NUDT6: variants seen among roughly 807,000 people sequenced by gnomAD.
NUDT6 encodes FAD diphosphatase NUDT6.
Under a neutral mutation model 36.8 loss-of-function variants are expected in NUDT6, and 24 were observed. The ratio of observed to expected loss-of-function variants is 0.65; its 90% CI spans 0.47 to 0.92. NUDT6 has a LOEUF of 0.92. Ranked by LOEUF, NUDT6 falls within the 40% of genes least tolerant of loss-of-function variation. NUDT6 has a pLI of 0.00. For missense variants in NUDT6, 388 were observed against 392.8 expected, an observed-to-expected ratio of 0.99 and a Z score of 0.10; for synonymous variants, 163 against 157.0, an observed-to-expected ratio of 1.04 and a Z score of -0.29.
chr4:122,909,693 G>C (rs72919849), intron 3 of NUDT6, among the ~76,000 whole-genome samples: 2,452 of 152,168 alleles, frequency 0.016, 71 homozygotes, highest in African/African-American at 0.057. Flanking sequence ...GGTTCTAAGA[G>C]CCACCAAATA....
chr4:122,912,369 G>A (rs1727748397), intron 3 of NUDT6, among the ~76,000 whole-genome samples, 199 bp downstream of exon 3: 2 of 152,100 alleles, frequency 1.3e-5, no homozygotes, highest in Admixed American at 6.6e-5. Context: ...TAGTAACACT[G>A]AGTGTTACCT....
intron 2 of NUDT6, among the ~76,000 whole-genome samples, chr4:122,914,238 C>T (rs1727787274): frequency 6.6e-6 from 1 of 152,106 alleles, no homozygotes; most frequent in African/African-American, 2.4e-5. Flanking sequence ...GAAATGAAAA[C>T]ACCACACTTG....
intron 4 of NUDT6, chr4:122,893,670 G>A (rs1247111755): frequency 6.5e-6 from 1 of 152,922 alleles, no homozygotes; most frequent in East Asian, 1.9e-4. Context: ...AAGAAACTTG[G>A]AATATAAATA....
intron 4 of NUDT6, chr4:122,893,844 T>C (rs1019496601): frequency 2.6e-5 from 4 of 152,222 alleles, no homozygotes; most frequent in African/African-American, 9.6e-5. Flanking sequence ...TTTTGTGATG[T>C]TCTGTCATTG....
chr4:122,904,346 G>C (rs1727578221), intron 3 of NUDT6, among the ~76,000 whole-genome samples: 1 of 152,136 alleles, frequency 6.6e-6, no homozygotes, highest in Non-Finnish European at 1.5e-5. Flanking sequence ...TCCTTATAGA[G>C]TACTCTTAAA....
At chr4:122,899,973 G>A (rs369310457) in intron 3 of NUDT6, among the ~76,000 whole-genome samples, 1 of 151,918 alleles carries the variant, frequency 6.6e-6, no homozygotes, top group Non-Finnish European at 1.5e-5. Flanking sequence ...CCAGTGCTGC[G>A]GGCATTTACT....
chr4:122,915,491 A>AACAAAC lies in NUDT6; in HGVS notation c.442+2009_442+2010insGTTTGT, dbSNP rs1560773970. Among the ~76,000 whole-genome samples, 889 of 137,670 alleles carry AACAAAC rather than the reference A, an allele frequency of 6.5e-3. 22 individuals are homozygous for AACAAAC. Among genetic ancestry groups the AACAAAC allele is most frequent in the South Asian group, 0.025 (105 of 4,148 alleles). 90.3% of individuals were successfully genotyped at this position (137,670 alleles called of 152,430 possible). A position where few individuals can be genotyped will look rare whatever the true frequency, so the allele number is the denominator to read the frequency against. ...CCTCAAAAAAAAAAAAAAAAAAAAAAAAAAAAACAACTCTGCACCTTTCCA... is the reference window on the plus strand; with the variant it reads ...CCTCAAAAAAAAAAAAAAAAAAAAAAACAAACAAAAAAACAACTCTGCACCTTTCCA... On this transcript the variant is annotated intron_variant, in intron 2 of 4. Coordinates refer to ENST00000304430, the MANE Select transcript of NUDT6 (RefSeq NM_007083.5).
At chr4:122,912,419 A>G (rs58631752) in intron 3 of NUDT6, 149 bp downstream of exon 3, 8 of 624,648 alleles carry the variant, frequency 1.3e-5, no homozygotes, top group Non-Finnish European at 2.0e-5. Flanking sequence ...TGGTTTAAAT[A>G]AATATCTAAG....
chr4:122,916,151 G>A (rs951617706), intron 2 of NUDT6, among the ~76,000 whole-genome samples: 10 of 152,110 alleles, frequency 6.6e-5, no homozygotes, highest in Admixed American at 6.6e-4. Context: ...GAAACAGCCA[G>A]GAAGATCACC....
At chr4:122,920,670 A>C (rs1405596981) in intron 1 of NUDT6, 1 of 152,218 alleles carries the variant, frequency 6.6e-6, no homozygotes, top group Non-Finnish European at 1.5e-5. Context: ...TGTCATGCTG[A>C]CTGGGGTAGT....
chr4:122,896,759 A>G (rs554409081), intron 4 of NUDT6: 1 of 152,336 alleles, frequency 6.6e-6, no homozygotes, highest in Non-Finnish European at 1.5e-5. Flanking sequence ...TCAAGCTTTA[A>G]GTACATGGAC....
chr4:122,922,255 C>G (rs1164598750), intron 1 of NUDT6, 80 bp downstream of exon 1: 2 of 1,236,554 alleles, frequency 1.6e-6, no homozygotes, highest in Non-Finnish European at 1.1e-6. Context: ...GTGCACAGAG[C>G]GACTAGGGAG....
chr4:122,912,487 A>C, intron 3 of NUDT6, 81 bp downstream of exon 3: 1 of 923,662 alleles, frequency 1.1e-6, no homozygotes, highest in Non-Finnish European at 1.7e-6. Flanking sequence ...CCCCTTAGGC[A>C]TATTAAAATT....
chr4:122,897,681 G>A lies in NUDT6; in HGVS notation c.499-3C>T, dbSNP rs1339705271. 2 of 1,595,008 alleles carry A rather than the reference G, an allele frequency of 1.3e-6. No individual in the cohort carries two copies. Among genetic ancestry groups the A allele is most frequent in the South Asian group, 1.1e-5 (1 of 90,710 alleles). On this transcript the variant is annotated splice_polypyrimidine_tract_variant and splice_region_variant and intron_variant, in intron 3 of 4. Coordinates refer to ENST00000304430, the MANE Select transcript of NUDT6 (RefSeq NM_007083.5). ...GGAAACTTCCACATATTTTTCAACT[G>A]CAGTATAAAGTCAGAAAATAAAGTT...
chr4:122,907,652 TGTTAGCCAG>T (rs1258986984), intron 3 of NUDT6, among the ~76,000 whole-genome samples: 1 of 151,900 alleles, frequency 6.6e-6, no homozygotes, highest in Non-Finnish European at 1.5e-5. Context: ...GGGTTTCATG[TGTTAGCCAG>T]GTTGGTCTCG....
chr4:122,892,599 A>G lies in NUDT6; in HGVS notation c.*229T>C, dbSNP rs571209115. 1.5e-4 allele frequency: 212 copies of G among 1,438,488 alleles called. 4 individuals are homozygous for G. The South Asian group carries it at 2.7e-3, about 19-fold the overall frequency. The allele number at this position is 1,438,488 out of a possible 1,614,324, so 89.1% of individuals were successfully genotyped here. On this transcript the variant is annotated 3_prime_UTR_variant, in exon 5 of 5. Coordinates refer to ENST00000304430, the MANE Select transcript of NUDT6 (RefSeq NM_007083.5). The stretch of plus-strand genomic sequence containing the variant: ...TTGTAAAATGTATATTCTCCCTTTT[A>G]TATTGCATCTGCTGTTACCCAGTGA...
intron 3 of NUDT6, among the ~76,000 whole-genome samples, chr4:122,898,402 T>C (rs1727432240): frequency 6.6e-6 from 1 of 152,200 alleles, no homozygotes; most frequent in South Asian, 2.1e-4. Flanking sequence ...ATTACTTTTC[T>C]TCCTGTTAGA....
chr4:122,899,238 A>T (rs1450731541), intron 3 of NUDT6, among the ~76,000 whole-genome samples: 1 of 151,734 alleles, frequency 6.6e-6, no homozygotes, highest in Non-Finnish European at 1.5e-5. Context: ...GTTTCCTAAA[A>T]ACAATAAAAG....
At chr4:122,898,997 TC>T (rs1727449700) in intron 3 of NUDT6, among the ~76,000 whole-genome samples, 1 of 145,496 alleles carries the variant, frequency 6.9e-6, no homozygotes, top group African/African-American at 2.5e-5. Flanking sequence ...TCCTCCCACC[TC>T]AGCCTCCTGA....
Sources: gnomAD v4.1 joint callset for allele counts (sites outside exome capture counted in the v4.1 genomes callset) on GRCh38, gnomAD v4.1.1 for gene constraint, MANE v1.5 for transcripts, NCBI Gene and HGNC (gene_info 2026-07-23, HGNC 2026-07-21) for gene names.